Variants in IMPG1 observed in about 807,000 individuals in gnomAD.
The protein encoded by IMPG1 is interphotoreceptor matrix proteoglycan 1.
In IMPG1, 85 loss-of-function variants were observed where a neutral mutation model predicts 92.0. The ratio of observed to expected loss-of-function variants is 0.92; its 90% CI spans 0.78 to 1.11. The LOEUF (loss-of-function observed/expected upper bound fraction) is 1.11. Ranked by LOEUF, IMPG1 falls within the 50% of genes least tolerant of loss-of-function variation. IMPG1 has a pLI of 0.00. For synonymous variants in IMPG1, 367 were observed against 334.1 expected, an observed-to-expected ratio of 1.10 and a Z score of -1.08; for missense variants, 1,022 against 956.0, an observed-to-expected ratio of 1.07 and a Z score of -0.91.
intron 12 of IMPG1, among the ~76,000 whole-genome samples, chr6:75,979,101 C>T (rs182149741): frequency 6.6e-6 from 1 of 151,884 alleles, no homozygotes; most frequent in African/African-American, 2.4e-5. Flanking sequence ...ACTTTTTGTA[C>T]AGACAGGGTT....
chr6:76,037,180 T>C (rs1783755521), intron 2 of IMPG1, among the ~76,000 whole-genome samples: 1 of 152,232 alleles, frequency 6.6e-6, no homozygotes, highest in Non-Finnish European at 1.5e-5. Flanking sequence ...GAGACTCTTA[T>C]GCCTATATGT....
rs75230013 is a variant in IMPG1 at position 75,956,203 on chromosome 6, T to C, written c.1292-5109A>G. Reference sequence around the variant, plus strand: ...GTTCCTCTTTGTACCTCTGGTAGAATTTGGTTGTGAATCCATCCAGTCCTG... The same window carrying C: ...GTTCCTCTTTGTACCTCTGGTAGAACTTGGTTGTGAATCCATCCAGTCCTG... On this transcript the variant is annotated intron_variant, in intron 12 of 16. Coordinates refer to ENST00000369950, the MANE Select transcript of IMPG1 (RefSeq NM_001563.4). Among the ~76,000 whole-genome samples, 924 of 152,334 alleles carry C rather than the reference T, an allele frequency of 6.1e-3. 9 individuals carry two copies. Among genetic ancestry groups the C allele is most frequent in the African/African-American group, 0.021 (876 of 41,564 alleles).
chr6:76,051,498 AGC>A (rs1784041393), intron 1 of IMPG1, among the ~76,000 whole-genome samples: 1 of 152,228 alleles, frequency 6.6e-6, no homozygotes. Context: ...ATACAATGCC[AGC>A]CCCAATCTGT....
In IMPG1 at chr6:76,018,770, G is replaced by A. The variant is rs756870882; in HGVS notation, c.755C>T (p.Ala252Val). 2 of 1,613,344 alleles carry A rather than the reference G, an allele frequency of 1.2e-6. No homozygotes were observed. The highest frequency in any genetic ancestry group is 1.7e-6 in the Non-Finnish European group (2 of 1,179,740). The change falls in exon 7 of 17, where the codon GCT becomes GTT. Residue 252 changes from alanine (A) to valine (V), a missense_variant. Transcript: ENST00000369950. The stretch of plus-strand genomic sequence containing the variant: ...CTGGTAATATGGGGACTGGGAGTCA[G>A]CGAGCTCTGCCTTGAACTTCTGGTT... ...LVNQKFKAEL[A>V]DSQSPYYQEL...
intron 7 of IMPG1, 145 bp downstream of exon 7, chr6:76,018,573 C>T: frequency 1.6e-6 from 1 of 636,012 alleles, no homozygotes; most frequent in East Asian, 3.0e-5. Flanking sequence ...ATGTTAGGGC[C>T]CATTGTAATT....
chr6:76,013,376 C>A (rs1783225710), intron 7 of IMPG1, among the ~76,000 whole-genome samples: 1 of 152,070 alleles, frequency 6.6e-6, no homozygotes, highest in Non-Finnish European at 1.5e-5. Flanking sequence ...ATACAATATA[C>A]ACTTCTATGT....
intron 14 of IMPG1, chr6:75,935,181 C>T (rs944997944): frequency 5.3e-6 from 2 of 379,216 alleles, no homozygotes; most frequent in Non-Finnish European, 1.1e-5. Flanking sequence ...TTAAAAACCA[C>T]TGTGCCTTGC....
At chr6:76,070,563 C>A (rs555904418) in intron 1 of IMPG1, among the ~76,000 whole-genome samples, 13 of 152,154 alleles carry the variant, frequency 8.5e-5, no homozygotes, top group African/African-American at 3.1e-4. Flanking sequence ...AGGGAATCAA[C>A]CCTAGTGAAC....
At chr6:75,987,283 T>G (rs1782732405) in intron 12 of IMPG1, among the ~76,000 whole-genome samples, 1 of 151,212 alleles carries the variant, frequency 6.6e-6, no homozygotes, top group South Asian at 2.1e-4. Context: ...ATCGTTGAAC[T>G]TCAGTCTGAC....
At chr6:76,059,402 C>CA (rs1554239233) in intron 1 of IMPG1, among the ~76,000 whole-genome samples, 1 of 149,862 alleles carries the variant, frequency 6.7e-6, no homozygotes, top group Non-Finnish European at 1.5e-5. Context: ...GACGTTACAC[C>CA]TTTTTTTTTT....
chr6:76,023,149 C>A (rs1369982337), intron 5 of IMPG1, among the ~76,000 whole-genome samples: 2 of 152,092 alleles, frequency 1.3e-5, no homozygotes, highest in Non-Finnish European at 2.9e-5. Context: ...ATCATCTAGG[C>A]AAGGCAGTTT....
chr6:76,008,803 C>A (rs1328607048), intron 8 of IMPG1, among the ~76,000 whole-genome samples: 3 of 152,166 alleles, frequency 2.0e-5, no homozygotes, highest in Non-Finnish European at 4.4e-5. Context: ...CAAACCATTA[C>A]CACAATCAAG....
chr6:76,016,772 A>G (rs1783297273), intron 7 of IMPG1, among the ~76,000 whole-genome samples: 2 of 152,186 alleles, frequency 1.3e-5, no homozygotes, highest in Non-Finnish European at 2.9e-5. Flanking sequence ...TTTCAGTTGC[A>G]TTTATACAAA....
rs1194709535 is a variant in IMPG1, at chr6:75,974,363, C to CTT, written c.1292-23271_1292-23270dup. Among the ~76,000 whole-genome samples, 30 of 96,282 alleles carry CTT rather than the reference C, an allele frequency of 3.1e-4. 1 individual carries two copies. The East Asian group carries it at 3.8e-3, about 12-fold the overall frequency. The allele number at this position is 96,282 out of a possible 152,430, so 63.2% of individuals were successfully genotyped here. On this transcript the variant is annotated intron_variant, in intron 12 of 16. Transcript: ENST00000369950. ...TCTTTCTTTCTTTCTTTCTTTCTTTCTTTCTTTCTTTCTTTCTTTCTTTCT... is the reference window on the plus strand; with the variant it reads ...TCTTTCTTTCTTTCTTTCTTTCTTTCTTTTTCTTTCTTTCTTTCTTTCTTTCT...
chr6:76,004,133 GT>G (rs1220064520), intron 10 of IMPG1, among the ~76,000 whole-genome samples, 183 bp from the exon 11 acceptor site: 1 of 152,214 alleles, frequency 6.6e-6, no homozygotes, highest in Non-Finnish European at 1.5e-5. Context: ...TTGAAGGACA[GT>G]TGCAAAGGGT....
intron 12 of IMPG1, among the ~76,000 whole-genome samples, chr6:75,956,922 T>C (rs1782133949): frequency 6.6e-6 from 1 of 152,026 alleles, no homozygotes; most frequent in South Asian, 2.1e-4. Context: ...GTTTCTTTTT[T>C]TCTTTTTTAT....
At chr6:75,989,793 A>T (rs940391267) in intron 12 of IMPG1, among the ~76,000 whole-genome samples, 3 of 152,236 alleles carry the variant, frequency 2.0e-5, no homozygotes, top group African/African-American at 7.2e-5. Context: ...CAGTGAGCTG[A>T]GATCGCTCCA....
chr6:76,041,139 G>A (rs1783830455), intron 2 of IMPG1, among the ~76,000 whole-genome samples: 1 of 150,740 alleles, frequency 6.6e-6, no homozygotes, highest in Non-Finnish European at 1.5e-5. Context: ...CCAAAGATTT[G>A]TTTTTTTTTC....
chr6:75,992,052 A>G (rs562498653), intron 12 of IMPG1, among the ~76,000 whole-genome samples: 2 of 152,360 alleles, frequency 1.3e-5, no homozygotes, highest in East Asian at 3.9e-4. Context: ...AAAGCAGATT[A>G]CCCTACATAG....
Sources: allele counts gnomAD v4.1 joint callset (sites outside exome capture counted in the v4.1 genomes callset), GRCh38; gene constraint gnomAD v4.1.1; transcripts MANE v1.5; gene names NCBI Gene and HGNC (gene_info 2026-07-23, HGNC 2026-07-21).